The following SPIDR variants were observed in gnomAD, a reference collection of about 807,000 sequenced individuals.
The protein encoded by SPIDR is DNA repair-scaffolding protein.
SPIDR carries 93 observed loss-of-function variants against 104.6 expected under a neutral mutation model. The ratio of observed to expected loss-of-function variants is 0.89; its 90% CI spans 0.75 to 1.06. The LOEUF (loss-of-function observed/expected upper bound fraction) is 1.06. Ranked by LOEUF, SPIDR falls within the 50% of genes least tolerant of loss-of-function variation. SPIDR has a pLI of 0.00. For synonymous variants in SPIDR, 431 were observed against 416.9 expected (o/e 1.03, Z -0.41); for missense variants, 1,154 against 1,111.2 (o/e 1.04, Z -0.55).
intron 8 of SPIDR, among the ~76,000 whole-genome samples, chr8:47,537,001 G>T (rs1323091101): frequency 2.0e-5 from 3 of 152,168 alleles, no homozygotes; most frequent in Non-Finnish European, 4.4e-5. Flanking sequence ...ATTGCAAATT[G>T]AAACAGCAAT....
At chr8:47,599,720 A>G (rs1264163575) in intron 10 of SPIDR, among the ~76,000 whole-genome samples, 1 of 152,182 alleles carries the variant, frequency 6.6e-6, no homozygotes, top group Non-Finnish European at 1.5e-5. Context: ...AGTAGAAGTG[A>G]TGTTGTCTCT....
chr8:47,402,083 A>C (rs1227227392), intron 6 of SPIDR, among the ~76,000 whole-genome samples: 1 of 152,236 alleles, frequency 6.6e-6, no homozygotes, highest in African/African-American at 2.4e-5. Flanking sequence ...CATAGTTGGA[A>C]GTAAAGCATT....
chr8:47,460,860 C>G (rs1020086995), intron 8 of SPIDR, among the ~76,000 whole-genome samples: 1 of 152,096 alleles, frequency 6.6e-6, no homozygotes, highest in Admixed American at 6.5e-5. Flanking sequence ...TTGGTAGTGG[C>G]GAATTCTCTC....
chr8:47,611,776 G>A (rs949870040), intron 10 of SPIDR, among the ~76,000 whole-genome samples: 7 of 152,246 alleles, frequency 4.6e-5, no homozygotes, highest in Non-Finnish European at 8.8e-5. Context: ...ATATAGAACT[G>A]AAAGTTCAAG....
chr8:47,268,540 A>AT (rs1331712279), intron 1 of SPIDR, among the ~76,000 whole-genome samples: 1 of 152,132 alleles, frequency 6.6e-6, no homozygotes, highest in Non-Finnish European at 1.5e-5. Context: ...CTTTGGTTAA[A>AT]TTTATTCCTA....
chr8:47,357,722 T>C (rs574130825), intron 5 of SPIDR: 28 of 246,040 alleles, frequency 1.1e-4, no homozygotes, highest in African/African-American at 6.5e-4. Context: ...TATGTGCTTT[T>C]GTTTTGTTTT....
intron 8 of SPIDR, among the ~76,000 whole-genome samples, chr8:47,476,415 G>A (rs1303163894): frequency 2.0e-5 from 3 of 152,162 alleles, no homozygotes; most frequent in African/African-American, 7.2e-5. Context: ...AAAATACCAT[G>A]TGAAAGCACC....
chr8:47,380,390 G>A (rs1255795473), intron 5 of SPIDR, among the ~76,000 whole-genome samples: 2 of 152,180 alleles, frequency 1.3e-5, no homozygotes, highest in East Asian at 3.9e-4. Context: ...GATCACTGCA[G>A]ACAAGGTGCG....
At chr8:47,653,992 T>C in intron 10 of SPIDR, 1 of 1,270,330 alleles carries the variant, frequency 7.9e-7, no homozygotes, top group Non-Finnish European at 1.0e-6. Flanking sequence ...CTTAGATGAG[T>C]GGGAGTGGCA....
At chr8:47,454,887 AAAT>A (rs1287144311) in intron 8 of SPIDR, among the ~76,000 whole-genome samples, 4 of 152,154 alleles carry the variant, frequency 2.6e-5, no homozygotes, top group Non-Finnish European at 5.9e-5. Context: ...TCTCAAAAAA[AAAT>A]AATAATAATA....
At chr8:47,560,556 A>G (rs1321697588) in intron 8 of SPIDR, among the ~76,000 whole-genome samples, 1 of 152,240 alleles carries the variant, frequency 6.6e-6, no homozygotes, top group African/African-American at 2.4e-5. Flanking sequence ...TTGCTCAGGT[A>G]CAAAAGTTCC....
intron 8 of SPIDR, among the ~76,000 whole-genome samples, chr8:47,583,718 A>T (rs1185809164): frequency 6.6e-6 from 1 of 152,200 alleles, no homozygotes; most frequent in Non-Finnish European, 1.5e-5. Context: ...CAGAAACTTG[A>T]TGATGTGATA....
At chr8:47,486,604 G>A (rs2077667892) in intron 8 of SPIDR, among the ~76,000 whole-genome samples, 1 of 152,168 alleles carries the variant, frequency 6.6e-6, no homozygotes, top group South Asian at 2.1e-4. Flanking sequence ...CAGAGAGAAA[G>A]GTCGGGTTAC....
intron 8 of SPIDR, among the ~76,000 whole-genome samples, chr8:47,536,752 T>C: frequency 6.6e-6 from 1 of 152,324 alleles, no homozygotes; most frequent in South Asian, 2.1e-4. Context: ...AGATGAACTT[T>C]GTTAAAATTT....
At chr8:47,734,781 G>A (rs2154495352) in intron 19 of SPIDR, among the ~76,000 whole-genome samples, 2 of 152,240 alleles carry the variant, frequency 1.3e-5, no homozygotes, top group African/African-American at 4.8e-5. Flanking sequence ...ACTCACCTGG[G>A]ACTAACCAAA....
intron 8 of SPIDR, among the ~76,000 whole-genome samples, chr8:47,536,665 A>T (rs562365268): frequency 6.6e-6 from 1 of 152,224 alleles, no homozygotes; most frequent in Non-Finnish European, 1.5e-5. Context: ...AAACTAGAAT[A>T]TAAGATAGAA....
chr8:47,376,669 T>C (rs1587903678), intron 5 of SPIDR, among the ~76,000 whole-genome samples: 2 of 152,296 alleles, frequency 1.3e-5, no homozygotes, highest in African/African-American at 4.8e-5. Flanking sequence ...TTCCAATAAA[T>C]AGTAAGTTGA....
chr8:47,393,844 C>T (rs2060923621), intron 5 of SPIDR, among the ~76,000 whole-genome samples: 2 of 118,210 alleles, frequency 1.7e-5, no homozygotes, highest in Non-Finnish European at 3.4e-5. Flanking sequence ...TCTCCCTTTC[C>T]CTTCCTTCCT....
chr8:47,719,954 C>A (rs1477798254), intron 16 of SPIDR, among the ~76,000 whole-genome samples: 3 of 152,194 alleles, frequency 2.0e-5, no homozygotes, highest in African/African-American at 4.8e-5. Context: ...ACTACCGTTA[C>A]CATTAGTGTA....
Sources: allele counts gnomAD v4.1 joint callset (sites outside exome capture counted in the v4.1 genomes callset), GRCh38; gene constraint gnomAD v4.1.1; transcripts MANE v1.5; gene names NCBI Gene and HGNC (gene_info 2026-07-23, HGNC 2026-07-21).